The following GALNTL6 variants were observed in gnomAD, a reference collection of about 807,000 sequenced individuals.
GALNTL6 encodes polypeptide N-acetylgalactosaminyltransferase-like 6.
Under a neutral mutation model 73.7 loss-of-function variants are expected in GALNTL6, and 46 were observed. The observed-to-expected ratio is 0.62, with a 90% confidence interval of 0.49 to 0.80. The LOEUF is 0.80. Ranked by LOEUF, GALNTL6 falls within the 30% of genes least tolerant of loss-of-function variation. The probability of loss-of-function intolerance (pLI) is 0.00; values close to 1 mark genes in which losing one functional copy is unlikely to be tolerated. For missense variants in GALNTL6, 604 were observed against 755.0 expected, an observed-to-expected ratio of 0.80 and a Z score of 2.34; for synonymous variants, 259 against 263.7, an observed-to-expected ratio of 0.98 and a Z score of 0.17.
At chr4:172,968,857 T>C (rs546419735) in intron 10 of GALNTL6, among the ~76,000 whole-genome samples, 1 of 152,234 alleles carries the variant, frequency 6.6e-6, no homozygotes, top group South Asian at 2.1e-4. Flanking sequence ...TCCAAGAAAA[T>C]TATCTCATTT....
At chr4:172,893,101 A>C (rs765082174) in intron 8 of GALNTL6, among the ~76,000 whole-genome samples, 10 of 152,176 alleles carry the variant, frequency 6.6e-5, no homozygotes, top group Non-Finnish European at 1.3e-4. Flanking sequence ...TACCCAACCC[A>C]GTAAGTCTTT....
Position 172,952,122 on chromosome 4 carries a change from C to A in GALNTL6, c.1235C>A (p.Thr412Lys). ...QRRPEYRHLSTGDISAQKELR... is the reference protein window; with the variant it reads ...QRRPEYRHLSKGDISAQKELR... ...CGGCCGGAGTACAGGCATCTCTCCA[C>A]GGGGGACATCTCTGCCCAGAAGGAG... The change falls in exon 10 of 13, where the codon ACG becomes AAG. Residue 412 changes from threonine (T) to lysine (K), a missense_variant. By Grantham distance (78) the Thr-to-Lys change is moderately conservative. This residue lies in a region of GALNTL6 where 261 missense variants were observed against 296.5 expected (regional missense o/e 0.88). Coordinates refer to ENST00000506823, the MANE Select transcript of GALNTL6 (RefSeq NM_001034845.3). 6.2e-7 allele frequency: 1 copy of A among 1,614,052 alleles called. No individual in the cohort carries two copies. The highest frequency in any genetic ancestry group is 8.5e-7 in the Non-Finnish European group (1 of 1,179,976).
chr4:172,409,017 A>G (rs1055450771), intron 5 of GALNTL6, among the ~76,000 whole-genome samples: 56 of 152,198 alleles, frequency 3.7e-4, no homozygotes, highest in African/African-American at 1.3e-3. Context: ...AATTTAAAAG[A>G]TATTGAATAT....
intron 5 of GALNTL6, among the ~76,000 whole-genome samples, chr4:172,618,521 C>T (rs939919996): frequency 1.3e-5 from 2 of 152,146 alleles, no homozygotes; most frequent in African/African-American, 4.8e-5. Flanking sequence ...AATTCTTCTG[C>T]ACTTTATCTA....
At chr4:172,411,497 C>T (rs1380443926) in intron 5 of GALNTL6, among the ~76,000 whole-genome samples, 4 of 151,956 alleles carry the variant, frequency 2.6e-5, no homozygotes, top group Admixed American at 2.0e-4. Flanking sequence ...CTAAGTTTCC[C>T]ACCTGAAAGA....
At chr4:172,528,340 A>T (rs1189514461) in intron 5 of GALNTL6, among the ~76,000 whole-genome samples, 2 of 44,974 alleles carry the variant, frequency 4.4e-5, no homozygotes, top group Non-Finnish European at 1.4e-4. Context: ...ATATATATAT[A>T]TATATATATA....
intron 5 of GALNTL6, among the ~76,000 whole-genome samples, chr4:172,717,154 G>T (rs1005467378): frequency 2.6e-5 from 4 of 152,068 alleles, no homozygotes; most frequent in African/African-American, 9.7e-5. Flanking sequence ...ATTTTCAGTA[G>T]CCAAAATAAA....
At chr4:172,218,970 C>T (rs1037393125) in intron 2 of GALNTL6, among the ~76,000 whole-genome samples, 1 of 151,154 alleles carries the variant, frequency 6.6e-6, no homozygotes, top group East Asian at 1.9e-4. Context: ...AATCTTACAA[C>T]TACATGAGAT....
At chr4:172,375,583 A>T (rs1004728396) in intron 5 of GALNTL6, among the ~76,000 whole-genome samples, 2 of 152,146 alleles carry the variant, frequency 1.3e-5, no homozygotes, top group Non-Finnish European at 2.9e-5. Context: ...AGCAGCAGAA[A>T]CAACCCCTAC....
At chr4:172,087,816 C>T (rs1287123688) in intron 2 of GALNTL6, among the ~76,000 whole-genome samples, 1 of 150,204 alleles carries the variant, frequency 6.7e-6, no homozygotes, top group Non-Finnish European at 1.5e-5. Flanking sequence ...TATCGTACAT[C>T]TTTTTTATAT....
intron 5 of GALNTL6, among the ~76,000 whole-genome samples, chr4:172,499,848 C>G (rs1734199707): frequency 1.3e-5 from 2 of 152,112 alleles, no homozygotes; most frequent in African/African-American, 4.8e-5. Flanking sequence ...ATAGGTCACT[C>G]TATCTGAAAA....
chr4:172,478,561 G>A (rs1733324677), intron 5 of GALNTL6, among the ~76,000 whole-genome samples: 1 of 152,104 alleles, frequency 6.6e-6, no homozygotes, highest in South Asian at 2.1e-4. Flanking sequence ...AAAATTCTAG[G>A]AGAAACCCTA....
intron 5 of GALNTL6, among the ~76,000 whole-genome samples, chr4:172,525,688 C>G (rs559933914): frequency 1.2e-4 from 18 of 152,036 alleles, no homozygotes; most frequent in Non-Finnish European, 2.5e-4. Context: ...AAAGTGAGAC[C>G]CTCATTATAC....
intron 2 of GALNTL6, among the ~76,000 whole-genome samples, chr4:171,924,021 G>A (rs1363461860): frequency 6.6e-6 from 1 of 151,688 alleles, no homozygotes; most frequent in Non-Finnish European, 1.5e-5. Context: ...CAAAATTATT[G>A]GTTGAAAATA....
At chr4:171,888,321 C>T (rs542616869) in intron 2 of GALNTL6, among the ~76,000 whole-genome samples, 24 of 150,238 alleles carry the variant, frequency 1.6e-4, no homozygotes, top group Non-Finnish European at 2.8e-4. Context: ...CTTTAAAGTT[C>T]AGCAACAGTG....
rs112138818 is a variant in GALNTL6, at chr4:172,854,473, G to A, written c.924-28317G>A. Among the ~76,000 whole-genome samples the A allele has an allele frequency of 5.5e-3, 830 of 152,260 alleles. 9 individuals carry two copies. Among genetic ancestry groups the A allele is most frequent in the African/African-American group, 0.018 (756 of 41,550 alleles). On this transcript the variant is annotated intron_variant, in intron 7 of 12. Coordinates refer to ENST00000506823, the MANE Select transcript of GALNTL6 (RefSeq NM_001034845.3). ...AGCTGTGTGAGTTAGAGGGGAAGAT[G>A]TATGGAGCCTTTTATGTTTTTATAA...
chr4:172,057,506 T>C (rs901446481), intron 2 of GALNTL6, among the ~76,000 whole-genome samples: 3 of 148,814 alleles, frequency 2.0e-5, no homozygotes, highest in African/African-American at 7.5e-5. Flanking sequence ...CCGGGCAACA[T>C]AGTGAGAGCT....
At chr4:172,829,788 C>T (rs1742520664) in intron 7 of GALNTL6, among the ~76,000 whole-genome samples, 1 of 152,154 alleles carries the variant, frequency 6.6e-6, no homozygotes, top group Non-Finnish European at 1.5e-5. Context: ...GCTCCTGAGA[C>T]ATAAAATTCA....
intron 3 of GALNTL6, among the ~76,000 whole-genome samples, chr4:172,305,640 G>T (rs1190323802): frequency 6.6e-6 from 1 of 151,986 alleles, no homozygotes; most frequent in South Asian, 2.1e-4. Flanking sequence ...GTTTGCAAAA[G>T]CAATGTAAGA....
Sources: allele counts gnomAD v4.1 joint callset (sites outside exome capture counted in the v4.1 genomes callset), GRCh38; gene constraint gnomAD v4.1.1; regional missense constraint gnomAD v4.1.1; transcripts MANE v1.5; gene names NCBI Gene and HGNC (gene_info 2026-07-23, HGNC 2026-07-21).